Variants in TAFA1 observed in about 807,000 individuals in gnomAD.
The protein encoded by TAFA1 is TAFA chemokine like family member 1.
A neutral mutation model predicts 18.5 loss-of-function variants in TAFA1; 4 were observed. That is an observed-to-expected ratio of 0.22 (90% CI 0.11 to 0.49). The LOEUF (loss-of-function observed/expected upper bound fraction) is 0.49, where lower values mean the gene tolerates loss of function less well. Ranked by LOEUF, TAFA1 falls within the 20% of genes least tolerant of loss-of-function variation. The pLI is 0.98. For missense variants in TAFA1, 147 were observed against 169.0 expected (o/e 0.87, Z 0.72); for synonymous variants, 56 against 55.2 (o/e 1.01, Z -0.06).
intron 2 of TAFA1, among the ~76,000 whole-genome samples, chr3:68,028,494 A>G (rs1426536330): frequency 6.6e-6 from 1 of 152,162 alleles, no homozygotes. Context: ...TGGGTGGCTT[A>G]AAGCAATAGA....
intron 2 of TAFA1, among the ~76,000 whole-genome samples, chr3:68,363,321 C>T (rs910079217): frequency 6.6e-6 from 1 of 152,116 alleles, no homozygotes; most frequent in African/African-American, 2.4e-5. Flanking sequence ...AGAAAATGAA[C>T]CACGATGGGT....
In TAFA1 at chr3:68,396,410, G is replaced by C. The variant is rs116365801; in HGVS notation, c.119-20870G>C. On this transcript the variant is annotated intron_variant, in intron 2 of 4. Coordinates refer to ENST00000478136, the MANE Select transcript of TAFA1 (RefSeq NM_213609.4). ...TACTACCTTTCCCAAGGTAGCTACT[G>C]TCCCAACTTCTAGCACTACAGGTTA... Among the ~76,000 whole-genome samples, 1,229 of 152,124 alleles carry C rather than the reference G, an allele frequency of 8.1e-3. 15 individuals are homozygous for C. Among genetic ancestry groups the C allele is most frequent in the African/African-American group, 0.028 (1,158 of 41,502 alleles).
chr3:68,189,274 C>G (rs931298608), intron 2 of TAFA1, among the ~76,000 whole-genome samples: 2 of 151,924 alleles, frequency 1.3e-5, no homozygotes, highest in Non-Finnish European at 2.9e-5. Context: ...ATTCAGTAGA[C>G]TCACCTACAT....
At chr3:67,998,698 C>T in the TAFA1 span, among the ~76,000 whole-genome samples, 3 of 152,156 alleles carry the variant, frequency 2.0e-5, no homozygotes, top group African/African-American at 7.2e-5. Context: ...ATGTTTCAGC[C>T]GTGAGGAGAC....
At chr3:68,454,751 C>T (rs754663310) in intron 3 of TAFA1, among the ~76,000 whole-genome samples, 1 of 152,200 alleles carries the variant, frequency 6.6e-6, no homozygotes, top group African/African-American at 2.4e-5. Context: ...ATAAGAATTA[C>T]CAAAAATGTT....
intron 2 of TAFA1, among the ~76,000 whole-genome samples, chr3:68,365,594 G>T (rs2069551926): frequency 6.6e-6 from 1 of 152,128 alleles, no homozygotes; most frequent in South Asian, 2.1e-4. Context: ...AAATAAAGAT[G>T]GGTGTATTAG....
chr3:68,378,393 G>C (rs914028701), intron 2 of TAFA1, among the ~76,000 whole-genome samples: 31 of 152,086 alleles, frequency 2.0e-4, no homozygotes, highest in African/African-American at 7.2e-4. Context: ...TTGTTTTGGC[G>C]AATTCCTCCC....
chr3:68,088,987 C>T (rs914215837), intron 2 of TAFA1, among the ~76,000 whole-genome samples: 1 of 152,006 alleles, frequency 6.6e-6, no homozygotes, highest in African/African-American at 2.4e-5. Flanking sequence ...CGGTTTTTGG[C>T]CCAATCAACT....
At chr3:68,349,838 G>T (rs1365018995) in intron 2 of TAFA1, among the ~76,000 whole-genome samples, 1 of 152,116 alleles carries the variant, frequency 6.6e-6, no homozygotes, top group African/African-American at 2.4e-5. Context: ...TGGGGATGCG[G>T]AAGGGAGCCC....
At chr3:68,515,947 G>A (rs1239572638) in intron 3 of TAFA1, among the ~76,000 whole-genome samples, 1 of 152,194 alleles carries the variant, frequency 6.6e-6, no homozygotes, top group East Asian at 1.9e-4. Context: ...AGTTTCAAGT[G>A]TGTAGAAACC....
intron 2 of TAFA1, among the ~76,000 whole-genome samples, chr3:68,072,664 T>G (rs1393291113): frequency 1.3e-5 from 2 of 152,108 alleles, no homozygotes; most frequent in African/African-American, 4.8e-5. Context: ...TGTTTTGGAA[T>G]TAGGTGAATG....
At chr3:68,326,263 C>T (rs1304750432) in intron 2 of TAFA1, among the ~76,000 whole-genome samples, 3 of 152,118 alleles carry the variant, frequency 2.0e-5, no homozygotes, top group African/African-American at 7.2e-5. Context: ...CAACTTTTGA[C>T]ATGTTCCTTG....
chr3:68,182,910 T>C (rs1045731558), intron 2 of TAFA1, among the ~76,000 whole-genome samples: 4 of 152,124 alleles, frequency 2.6e-5, no homozygotes, highest in African/African-American at 9.7e-5. Context: ...GAAAATATAA[T>C]AAAAAGAAAT....
At chr3:68,256,937 A>G (rs1364370294) in intron 2 of TAFA1, among the ~76,000 whole-genome samples, 1 of 151,972 alleles carries the variant, frequency 6.6e-6, no homozygotes, top group Non-Finnish European at 1.5e-5. Flanking sequence ...ATCATTTCTT[A>G]TGATTCTCTA....
At chr3:68,536,536 A>G (rs2073281225) in intron 3 of TAFA1, among the ~76,000 whole-genome samples, 1 of 152,180 alleles carries the variant, frequency 6.6e-6, no homozygotes, top group Admixed American at 6.5e-5. Flanking sequence ...CCTGGCTGAC[A>G]TTTTGAGGAT....
chr3:68,099,537 C>T (rs1467235700), intron 2 of TAFA1, among the ~76,000 whole-genome samples: 2 of 152,036 alleles, frequency 1.3e-5, no homozygotes, highest in East Asian at 3.9e-4. Context: ...AACACTTATA[C>T]ACTCTTGGTG....
At chr3:68,342,766 G>A (rs1445299249) in intron 2 of TAFA1, among the ~76,000 whole-genome samples, 5 of 152,096 alleles carry the variant, frequency 3.3e-5, no homozygotes, top group Non-Finnish European at 7.3e-5. Flanking sequence ...TCCTTCAAGA[G>A]GCAAAGTCTA....
chr3:68,467,719 C>G (rs1445498788), intron 3 of TAFA1, among the ~76,000 whole-genome samples: 1 of 152,068 alleles, frequency 6.6e-6, no homozygotes, highest in East Asian at 1.9e-4. Flanking sequence ...CAGACATAAC[C>G]TAGGAGATGC....
intron 2 of TAFA1, among the ~76,000 whole-genome samples, chr3:68,220,695 G>T (rs372798234): frequency 1.4e-4 from 22 of 152,218 alleles, no homozygotes; most frequent in East Asian, 5.8e-4. Context: ...AAAGGAGTTT[G>T]GCTCTCTCAG....
Sources: allele counts gnomAD v4.1 joint callset (sites outside exome capture counted in the v4.1 genomes callset), GRCh38; gene constraint gnomAD v4.1.1; transcripts MANE v1.5; gene names NCBI Gene and HGNC (gene_info 2026-07-23, HGNC 2026-07-21).